ASTN2: variants seen among roughly 807,000 people sequenced by gnomAD.
ASTN2 encodes astrotactin-2.
Under a neutral mutation model 139.8 loss-of-function variants are expected in ASTN2, and 54 were observed. That is an observed-to-expected ratio of 0.39 (90% CI 0.31 to 0.48). The LOEUF (loss-of-function observed/expected upper bound fraction) is 0.48. ASTN2 is among the 20% of genes least tolerant of loss of function. The pLI is 0.95. For synonymous variants in ASTN2, 756 were observed against 719.5 expected (o/e 1.05, Z -0.81); for missense variants, 1,565 against 1,725.1 (o/e 0.91, Z 1.64).
At chr9:116,729,302 A>G (rs1268205983) in intron 14 of ASTN2, among the ~76,000 whole-genome samples, 1 of 152,058 alleles carries the variant, frequency 6.6e-6, no homozygotes, top group Non-Finnish European at 1.5e-5. Flanking sequence ...TCTCTGCTCT[A>G]TAGCTTGCAA....
chr9:116,639,480 G>C (rs562772277), intron 17 of ASTN2, among the ~76,000 whole-genome samples: 1 of 152,158 alleles, frequency 6.6e-6, no homozygotes, highest in South Asian at 2.1e-4. Flanking sequence ...AATAGAAAGA[G>C]AGTTGGATTG....
chr9:117,044,379 G>C (rs1395351886), intron 5 of ASTN2, among the ~76,000 whole-genome samples: 1 of 152,210 alleles, frequency 6.6e-6, no homozygotes, highest in African/African-American at 2.4e-5. Context: ...GAGGATGAAA[G>C]CATGCAGGTC....
In ASTN2 at chr9:117,003,859, G is replaced by C. The variant is rs540632147; in HGVS notation, c.1591+4233C>G. The stretch of plus-strand genomic sequence containing the variant: ...AAAATAATGGAAAAAAAAATCTAAG[G>C]GGCCAGATGCAGAGATATATAATCC... On this transcript the variant is annotated intron_variant, in intron 7 of 22. Transcript: ENST00000313400. Among the ~76,000 whole-genome samples, 3 of 151,528 alleles carry C rather than the reference G, an allele frequency of 2.0e-5. No individual in the cohort carries two copies. The East Asian group carries it at 6.0e-4, about 30-fold the overall frequency.
chr9:117,272,326 A>G (rs548427801), intron 2 of ASTN2, among the ~76,000 whole-genome samples: 40 of 152,304 alleles, frequency 2.6e-4, no homozygotes, highest in Non-Finnish European at 5.0e-4. Context: ...CACACAGCAC[A>G]AGGACCCTGG....
intron 3 of ASTN2, among the ~76,000 whole-genome samples, chr9:117,196,041 T>C (rs549794067): frequency 2.0e-5 from 3 of 152,192 alleles, no homozygotes; most frequent in Non-Finnish European, 2.9e-5. Flanking sequence ...TAAGAGCTCA[T>C]TGCCGTCCCA....
At chr9:117,032,121 A>G (rs568894725) in intron 6 of ASTN2, among the ~76,000 whole-genome samples, 18 of 152,188 alleles carry the variant, frequency 1.2e-4, no homozygotes, top group Non-Finnish European at 2.2e-4. Flanking sequence ...TTAGAAAGGC[A>G]CAAATATAAT....
At chr9:116,507,122 T>A (rs1214978597) in intron 19 of ASTN2, among the ~76,000 whole-genome samples, 1 of 152,168 alleles carries the variant, frequency 6.6e-6, no homozygotes, top group Non-Finnish European at 1.5e-5. Flanking sequence ...GAAGCTGGCA[T>A]TGTGATGCTC....
chr9:117,052,866 T>C (rs2132670851), intron 5 of ASTN2, among the ~76,000 whole-genome samples: 1 of 152,308 alleles, frequency 6.6e-6, no homozygotes, highest in Admixed American at 6.5e-5. Flanking sequence ...CAAAACTGTG[T>C]GATGTTCTAA....
At chr9:116,557,179 A>C (rs1341585989) in intron 19 of ASTN2, among the ~76,000 whole-genome samples, 2 of 140,320 alleles carry the variant, frequency 1.4e-5, no homozygotes, top group Non-Finnish European at 3.0e-5. Context: ...AGCTGATATC[A>C]TGCCACTGTG....
chr9:117,301,800 G>A (rs1266962871), intron 1 of ASTN2, among the ~76,000 whole-genome samples: 3 of 152,122 alleles, frequency 2.0e-5, no homozygotes, highest in Non-Finnish European at 4.4e-5. Context: ...TCTGTCTTAC[G>A]GTGAATGAGT....
intron 11 of ASTN2, 128 bp downstream of exon 11, chr9:116,863,455 C>A (rs924456614): frequency 8.2e-6 from 10 of 1,217,444 alleles, no homozygotes; most frequent in South Asian, 1.8e-5. Flanking sequence ...ATACTGAAGG[C>A]CGCAGAGGCA....
intron 7 of ASTN2, among the ~76,000 whole-genome samples, chr9:116,994,941 A>G (rs1836969518): frequency 6.6e-6 from 1 of 152,210 alleles, no homozygotes; most frequent in Non-Finnish European, 1.5e-5. Context: ...CTCAGTCCTC[A>G]TAATTACCCT....
chr9:116,800,756 A>C (rs182438923), intron 13 of ASTN2, among the ~76,000 whole-genome samples: 1 of 152,334 alleles, frequency 6.6e-6, no homozygotes, highest in African/African-American at 2.4e-5. Context: ...ATCACTGTGA[A>C]TATTGAGCCA....
intron 16 of ASTN2, among the ~76,000 whole-genome samples, chr9:116,713,685 GAAGA>G (rs1490864787): frequency 6.6e-6 from 1 of 152,162 alleles, no homozygotes; most frequent in Non-Finnish European, 1.5e-5. Context: ...TGAAAAGACA[GAAGA>G]AAGAGAAGGC....
At chr9:116,609,704 C>T (rs76453714) in intron 19 of ASTN2, among the ~76,000 whole-genome samples, 1 of 151,584 alleles carries the variant, frequency 6.6e-6, no homozygotes, top group African/African-American at 2.4e-5. Flanking sequence ...TATATAAAAT[C>T]ATTTATGCTA....
chr9:117,039,150 C>T (rs1445953084), intron 6 of ASTN2, among the ~76,000 whole-genome samples: 2 of 152,102 alleles, frequency 1.3e-5, no homozygotes, highest in South Asian at 2.1e-4. Flanking sequence ...TTGAATTCTT[C>T]CTTTATTTTT....
chr9:116,434,335 C>A (rs1164833192), intron 22 of ASTN2, among the ~76,000 whole-genome samples: 1 of 152,284 alleles, frequency 6.6e-6, no homozygotes, highest in African/African-American at 2.4e-5. Flanking sequence ...TTCCCAATAT[C>A]TTAAAAATTC....
At chr9:116,490,786 C>T (rs182660574) in intron 19 of ASTN2, among the ~76,000 whole-genome samples, 48 of 152,244 alleles carry the variant, frequency 3.2e-4, no homozygotes, top group African/African-American at 9.1e-4. Context: ...TCAACTCCCT[C>T]GAGGTCCCTC....
intron 19 of ASTN2, chr9:116,612,661 T>C (rs1465271659): frequency 6.6e-6 from 1 of 152,140 alleles, no homozygotes; most frequent in Non-Finnish European, 1.5e-5. Flanking sequence ...AAAGATGTTC[T>C]TTGAAACCAA....
Sources: gnomAD v4.1 joint callset for allele counts (sites outside exome capture counted in the v4.1 genomes callset) on GRCh38, gnomAD v4.1.1 for gene constraint, MANE v1.5 for transcripts, NCBI Gene and HGNC (gene_info 2026-07-23, HGNC 2026-07-21) for gene names.